The following WDR72 variants were observed in gnomAD, a reference collection of about 807,000 sequenced individuals.
The protein encoded by WDR72 is WD repeat domain 72.
In WDR72, 120 loss-of-function variants were observed where a neutral mutation model predicts 124.2. That is an observed-to-expected ratio of 0.97 (90% CI 0.83 to 1.12). The LOEUF (loss-of-function observed/expected upper bound fraction) is 1.12. WDR72 is among the 50% of genes most tolerant of loss of function. WDR72 has a pLI of 0.00. For synonymous variants in WDR72, 452 were observed against 441.7 expected (o/e 1.02, Z -0.29); for missense variants, 1,387 against 1,278.8 (o/e 1.08, Z -1.29).
At chr15:53,662,372 C>T (rs2015637353) in intron 14 of WDR72, among the ~76,000 whole-genome samples, 1 of 152,134 alleles carries the variant, frequency 6.6e-6, no homozygotes, top group African/African-American at 2.4e-5. Flanking sequence ...TTCCCCAGAT[C>T]TATATGCACT....
intron 13 of WDR72, among the ~76,000 whole-genome samples, chr15:53,673,364 A>G (rs1172446093): frequency 1.3e-5 from 2 of 152,224 alleles, no homozygotes; most frequent in Non-Finnish European, 2.9e-5. Flanking sequence ...TCCATCTGCA[A>G]ATGATCAAGA....
At chr15:53,684,385 T>G (rs1234806455) in intron 13 of WDR72, 1 of 153,220 alleles carries the variant, frequency 6.5e-6, no homozygotes, top group Non-Finnish European at 1.4e-5. Flanking sequence ...GGCGAGGCAC[T>G]GCCTCACTCG....
intron 18 of WDR72, among the ~76,000 whole-genome samples, chr15:53,571,943 T>C (rs1894544468): frequency 6.6e-6 from 1 of 152,142 alleles, no homozygotes; most frequent in Admixed American, 6.6e-5. Flanking sequence ...CATTGTAGTT[T>C]TGACTTGCAA....
intron 1 of WDR72, among the ~76,000 whole-genome samples, chr15:53,743,673 T>G (rs968483887): frequency 6.6e-6 from 1 of 152,186 alleles, no homozygotes; most frequent in African/African-American, 2.4e-5. Flanking sequence ...TAGCTTGATA[T>G]TCCACATAAA....
intron 13 of WDR72, among the ~76,000 whole-genome samples, chr15:53,674,639 T>A (rs1430159938): frequency 6.6e-6 from 1 of 152,200 alleles, no homozygotes; most frequent in Admixed American, 6.5e-5. Context: ...GTAGTTGATA[T>A]AATAAATTCA....
At position 53,647,261 on chromosome 15, in the gene WDR72, A is replaced by G. The variant is rs561648329; in HGVS notation, c.1962+18311T>C. On this transcript the variant is annotated intron_variant, in intron 14 of 19. Coordinates refer to ENST00000360509, the MANE Select transcript of WDR72 (RefSeq NM_182758.4). ...AAACTAAAGGTATTTATATCCATTC[A>G]TAAATTTTTAAAAAGTAAGATAAGC... Among the ~76,000 whole-genome samples the G allele has an allele frequency of 3.9e-5, 6 of 152,266 alleles. No homozygotes were observed. The South Asian group carries it at 1.2e-3, about 32-fold the overall frequency.
intron 2 of WDR72, among the ~76,000 whole-genome samples, chr15:53,732,714 A>G (rs933778011): frequency 6.6e-6 from 1 of 152,212 alleles, no homozygotes; most frequent in Non-Finnish European, 1.5e-5. Flanking sequence ...ACTTAAACAT[A>G]TAATTCAGGA....
intron 18 of WDR72, among the ~76,000 whole-genome samples, chr15:53,538,927 T>A (rs1009400804): frequency 6.6e-6 from 1 of 152,206 alleles, no homozygotes; most frequent in East Asian, 1.9e-4. Flanking sequence ...ACATACTCCA[T>A]GAAACTCATT....
intron 18 of WDR72, among the ~76,000 whole-genome samples, chr15:53,537,302 G>T (rs1325310346): frequency 1.3e-5 from 2 of 152,138 alleles, no homozygotes; most frequent in Non-Finnish European, 2.9e-5. Context: ...GATGTTCAGA[G>T]AATTACATAT....
At position 53,665,586 on chromosome 15, in the gene WDR72, C is replaced by A; in HGVS notation, c.1948G>T (p.Glu650Ter). The change falls in exon 14 of 20, where the codon GAG becomes TAG. Residue 650 changes from glutamate (E) to a stop codon, truncating the protein, a stop_gained. Transcript: ENST00000360509. LOFTEE classifies it high-confidence loss of function. The stretch of plus-strand genomic sequence containing the variant: ...TTTGAACTTACCTTACATGAAGACT[C>A]CACCTGCAGACCAGGGCAAGGTAAT... The part of the protein sequence containing the change: ...GPLPCPGLQV[E>*]SSCKVTDAKF... The A allele has an allele frequency of 6.2e-7, 1 of 1,613,766 alleles. No homozygotes were observed. Among genetic ancestry groups the A allele is most frequent in the Non-Finnish European group, 8.5e-7 (1 of 1,179,808 alleles).
chr15:53,632,982 A>G (rs1350581310), intron 14 of WDR72, among the ~76,000 whole-genome samples: 1 of 152,166 alleles, frequency 6.6e-6, no homozygotes, highest in East Asian at 1.9e-4. Context: ...TGGACTTTTG[A>G]GTTTATGATG....
At chr15:53,696,359 G>C (rs562456534) in intron 13 of WDR72, among the ~76,000 whole-genome samples, 2 of 152,262 alleles carry the variant, frequency 1.3e-5, no homozygotes, top group East Asian at 3.9e-4. Flanking sequence ...CAAAACCCTA[G>C]GGAAGACTTG....
intron 13 of WDR72, among the ~76,000 whole-genome samples, chr15:53,682,797 T>C (rs1278320954): frequency 6.6e-6 from 1 of 152,194 alleles, no homozygotes; most frequent in African/African-American, 2.4e-5. Context: ...AGTTCCAAAG[T>C]TGCTTCCATA....
chr15:53,722,850 G>A lies in WDR72; in HGVS notation c.212C>T (p.Ala71Val). 1 of 1,614,076 alleles carries A rather than the reference G, an allele frequency of 6.2e-7. No homozygotes were observed. Among genetic ancestry groups the A allele is most frequent in the Non-Finnish European group, 8.5e-7 (1 of 1,179,994 alleles). Reference protein sequence around the residue: ...HSASVTCLARARDFSKQPYIV... With the variant: ...HSASVTCLARVRDFSKQPYIV... ...GTAGGGCTGTTTAGAGAAGTCCCTT[G>A]CTCTTGCCAAACATGTTACCGAAGC... Residue 71 changes from alanine (A) to valine (V), a missense_variant, in exon 3 of 20, where the codon GCA becomes GTA. Transcript: ENST00000360509.
chr15:53,569,193 T>G (rs1177179481), intron 18 of WDR72, among the ~76,000 whole-genome samples: 1 of 152,060 alleles, frequency 6.6e-6, no homozygotes, highest in East Asian at 1.9e-4. Flanking sequence ...AGCCTATCCC[T>G]GCCTTTATGT....
intron 13 of WDR72, among the ~76,000 whole-genome samples, chr15:53,687,614 G>C (rs1449060637): frequency 1.4e-5 from 2 of 146,304 alleles, no homozygotes; most frequent in Non-Finnish European, 3.0e-5. Flanking sequence ...TGGATTCACA[G>C]CCGAATTCTA....
At chr15:53,522,466 C>T (rs1891857283) in intron 19 of WDR72, among the ~76,000 whole-genome samples, 1 of 151,976 alleles carries the variant, frequency 6.6e-6, no homozygotes, top group Non-Finnish European at 1.5e-5. Flanking sequence ...TACCTTCTAG[C>T]ACCTTATAAC....
intron 14 of WDR72, among the ~76,000 whole-genome samples, chr15:53,643,734 C>G (rs8039646): frequency 0.31 from 42,321 of 137,360 alleles, 6,265 homozygotes; most frequent in East Asian, 0.54. Flanking sequence ...GTGTATGTAT[C>G]TGTGTGTGTG....
intron 16 of WDR72, among the ~76,000 whole-genome samples, chr15:53,612,667 C>T (rs1457525831): frequency 1.3e-5 from 2 of 151,986 alleles, no homozygotes; most frequent in Admixed American, 1.3e-4. Flanking sequence ...GTAGAGCAGC[C>T]AGATCCTATA....
Sources: allele counts gnomAD v4.1 joint callset (sites outside exome capture counted in the v4.1 genomes callset), GRCh38; gene constraint gnomAD v4.1.1; transcripts MANE v1.5; gene names NCBI Gene and HGNC (gene_info 2026-07-23, HGNC 2026-07-21).